Variants in PLA2G4A observed in about 807,000 individuals in gnomAD.
PLA2G4A encodes phospholipase A2 group IVA.
Under a neutral mutation model 81.9 loss-of-function variants are expected in PLA2G4A, and 40 were observed. The observed-to-expected ratio is 0.49, with a 90% CI of 0.38 to 0.64. PLA2G4A has a LOEUF of 0.64. Among genes scored for constraint, PLA2G4A ranks in the 30% least tolerant of loss-of-function variants. The probability of loss-of-function intolerance (pLI) is 0.00; values close to 1 mark genes in which losing one functional copy is unlikely to be tolerated. For missense variants in PLA2G4A, 715 were observed against 905.1 expected (o/e 0.79, Z 2.69); for synonymous variants, 302 against 296.9 (o/e 1.02, Z -0.18).
Position 186,946,732 on chromosome 1 carries a change from G to A in PLA2G4A, c.1129G>A (p.Val377Ile), listed in dbSNP as rs779005617. Residue 377 changes from valine to isoleucine, a missense_variant, in exon 11 of 18, where the codon GTC (valine) becomes ATC (isoleucine). Transcript: ENST00000367466. Reference sequence around the variant, plus strand: ...TGGAAGCAAATTTTTTATGGGAACAGTCGTTAAGAAGTATGAAGAAAACCC... The same window carrying A: ...TGGAAGCAAATTTTTTATGGGAACAATCGTTAAGAAGTATGAAGAAAACCC... The part of the protein sequence containing the change: ...LFGSKFFMGT[V>I]VKKYEENPLH... 4.3e-6 allele frequency: 7 copies of A among 1,612,142 alleles called. No individual in the cohort carries two copies. In the Admixed American group the frequency reaches 6.7e-5, roughly 15 times the overall value.
intron 10 of PLA2G4A, among the ~76,000 whole-genome samples, chr1:186,941,802 G>A (rs796449352): frequency 9.2e-5 from 14 of 152,186 alleles, no homozygotes; most frequent in African/African-American, 3.1e-4. Flanking sequence ...AATTATTAAA[G>A]AAGTTAAGGC....
chr1:186,909,256 G>A (rs1203405590), intron 6 of PLA2G4A, among the ~76,000 whole-genome samples: 3 of 150,794 alleles, frequency 2.0e-5, no homozygotes, highest in South Asian at 2.1e-4. Context: ...TTACAGGCAT[G>A]AGCCACCGCG....
At chr1:186,874,065 CTT>C (rs1048196554) in intron 3 of PLA2G4A, among the ~76,000 whole-genome samples, 27 of 152,026 alleles carry the variant, frequency 1.8e-4, no homozygotes, top group African/African-American at 6.5e-4. Flanking sequence ...ATTAATGTAA[CTT>C]TTACTTTTAA....
At chr1:186,890,463 G>A (rs1174693690) in intron 3 of PLA2G4A, among the ~76,000 whole-genome samples, 2 of 152,102 alleles carry the variant, frequency 1.3e-5, no homozygotes, top group Non-Finnish European at 1.5e-5. Flanking sequence ...TGTAATGGGA[G>A]GAAATTAAAA....
chr1:186,949,121 T>C (rs1276834456), intron 12 of PLA2G4A, among the ~76,000 whole-genome samples: 1 of 152,022 alleles, frequency 6.6e-6, no homozygotes, highest in Admixed American at 6.6e-5. Flanking sequence ...AGAGATGGAG[T>C]TGTACATTAT....
chr1:186,899,041 G>A (rs1470894472), intron 5 of PLA2G4A, among the ~76,000 whole-genome samples: 1 of 152,086 alleles, frequency 6.6e-6, no homozygotes, highest in Non-Finnish European at 1.5e-5. Flanking sequence ...TCTACTTAGC[G>A]AGACAGATGA....
At chr1:186,968,810 C>T (rs1007875732) in intron 15 of PLA2G4A, among the ~76,000 whole-genome samples, 2 of 151,522 alleles carry the variant, frequency 1.3e-5, no homozygotes, top group African/African-American at 4.8e-5. Flanking sequence ...TCTAGAGAAG[C>T]TTCATCAATT....
chr1:186,868,658 G>A (rs1653124900), intron 2 of PLA2G4A, among the ~76,000 whole-genome samples: 1 of 152,104 alleles, frequency 6.6e-6, no homozygotes, highest in South Asian at 2.1e-4. Flanking sequence ...ATGTGAACAT[G>A]GTGCTTTCTG....
intron 7 of PLA2G4A, among the ~76,000 whole-genome samples, chr1:186,914,470 G>C (rs556954810): frequency 2.7e-5 from 4 of 149,526 alleles, no homozygotes; most frequent in African/African-American, 9.9e-5. Context: ...CCTGTCTCAA[G>C]AGCCGAGCTC....
At chr1:186,862,631 A>G (rs987351617) in intron 2 of PLA2G4A, among the ~76,000 whole-genome samples, 6 of 152,222 alleles carry the variant, frequency 3.9e-5, no homozygotes, top group Admixed American at 2.0e-4. Flanking sequence ...CATATTTTCA[A>G]GTGTATTGGA....
At chr1:186,853,923 A>G (rs1305717481) in intron 1 of PLA2G4A, among the ~76,000 whole-genome samples, 1 of 151,938 alleles carries the variant, frequency 6.6e-6, no homozygotes, top group Non-Finnish European at 1.5e-5. Flanking sequence ...CCTACTGAGA[A>G]AACAATGACA....
chr1:186,917,145 G>A (rs906098622), intron 7 of PLA2G4A, among the ~76,000 whole-genome samples: 3 of 152,050 alleles, frequency 2.0e-5, no homozygotes, highest in East Asian at 1.9e-4. Context: ...CCTTTCCACC[G>A]TGGCCGCAAA....
chr1:186,986,869 C>G (rs1277899990), intron 17 of PLA2G4A, among the ~76,000 whole-genome samples: 1 of 152,194 alleles, frequency 6.6e-6, no homozygotes, highest in Non-Finnish European at 1.5e-5. Flanking sequence ...CTTCATAGAT[C>G]TGAAGCATCT....
At chr1:186,892,312 G>C (rs1256321319) in intron 3 of PLA2G4A, among the ~76,000 whole-genome samples, 5 of 151,800 alleles carry the variant, frequency 3.3e-5, no homozygotes, top group Non-Finnish European at 7.4e-5. Context: ...GATCCCATTT[G>C]CCCATTTTTG....
intron 1 of PLA2G4A, among the ~76,000 whole-genome samples, chr1:186,836,253 A>G (rs574167575): frequency 3.3e-5 from 5 of 151,064 alleles, no homozygotes; most frequent in African/African-American, 4.8e-5. Flanking sequence ...ATTCAGGTAA[A>G]TCATTAGTTA....
At chr1:186,839,133 T>A (rs989473822) in intron 1 of PLA2G4A, among the ~76,000 whole-genome samples, 1 of 152,206 alleles carries the variant, frequency 6.6e-6, no homozygotes, top group Non-Finnish European at 1.5e-5. Context: ...TAAAAATGAT[T>A]TAGTTTTACA....
At chr1:186,974,971 G>A (rs1003465383) in intron 15 of PLA2G4A, among the ~76,000 whole-genome samples, 1 of 152,150 alleles carries the variant, frequency 6.6e-6, no homozygotes, top group Admixed American at 6.5e-5. Context: ...TAGCCTCACT[G>A]TTACCTCATG....
chr1:186,967,180 G>A (rs1657162690), intron 15 of PLA2G4A, among the ~76,000 whole-genome samples: 1 of 151,848 alleles, frequency 6.6e-6, no homozygotes, highest in African/African-American at 2.4e-5. Flanking sequence ...GACCAATAAT[G>A]GTTATTATAA....
chr1:186,939,928 T>C (rs2102219825), intron 9 of PLA2G4A, 52 bp from the exon 10 acceptor site: 1 of 842,888 alleles, frequency 1.2e-6, no homozygotes, highest in Non-Finnish European at 2.1e-6. Context: ...TAGCATTCTT[T>C]CTGTGTCTGT....
Sources: allele counts gnomAD v4.1 joint callset (sites outside exome capture counted in the v4.1 genomes callset), GRCh38; gene constraint gnomAD v4.1.1; transcripts MANE v1.5; gene names NCBI Gene and HGNC (gene_info 2026-07-23, HGNC 2026-07-21).